Variants in CHN1 observed in about 807,000 individuals in gnomAD.
CHN1 encodes chimerin 1.
A neutral mutation model predicts 59.5 loss-of-function variants in CHN1; 37 were observed. The observed-to-expected ratio is 0.62, with a 90% CI of 0.48 to 0.82. CHN1 has a LOEUF of 0.82. Ranked by LOEUF, CHN1 falls within the 40% of genes least tolerant of loss-of-function variation. The pLI, the probability that CHN1 is intolerant of heterozygous loss-of-function variation, is 0.00. For synonymous variants in CHN1, 206 were observed against 200.4 expected (o/e 1.03, Z -0.24); for missense variants, 469 against 571.0 (o/e 0.82, Z 1.82).
intron 4 of CHN1, among the ~76,000 whole-genome samples, chr2:174,917,434 TA>T (rs903648956): frequency 3.4e-4 from 50 of 145,600 alleles, no homozygotes; most frequent in East Asian, 9.9e-4. Flanking sequence ...AACTCCATCT[TA>T]AAAAAAAAAA....
chr2:174,845,005 C>T (rs1009664886), intron 7 of CHN1, among the ~76,000 whole-genome samples: 1 of 151,838 alleles, frequency 6.6e-6, no homozygotes, highest in Non-Finnish European at 1.5e-5. Context: ...GTTTAGATAC[C>T]AAGGTAAGAG....
Position 175,003,488 on chromosome 2 carries a change from T to C in CHN1, c.19+1406A>G, listed in dbSNP as rs527593053. Among the ~76,000 whole-genome samples the C allele has an allele frequency of 5.9e-5, 9 of 152,306 alleles. No individual in the cohort carries two copies. In the South Asian group the frequency reaches 1.0e-3, roughly 18 times the overall value. On this transcript the variant is annotated intron_variant, in intron 1 of 12. Coordinates refer to ENST00000409900, the MANE Select transcript of CHN1 (RefSeq NM_001822.7). ...GTCAGGAATGCGAGTATTTGAAAAG[T>C]TGACTTGTAAACCTTACTTCTGAAA...
intron 3 of CHN1, among the ~76,000 whole-genome samples, chr2:174,925,617 A>C (rs921634057): frequency 1.3e-5 from 2 of 152,208 alleles, no homozygotes; most frequent in African/African-American, 4.8e-5. Context: ...CTACATAACA[A>C]GAACAAGAAC....
chr2:174,829,752 G>C (rs1030071954), intron 7 of CHN1, among the ~76,000 whole-genome samples: 1 of 152,196 alleles, frequency 6.6e-6, no homozygotes, highest in African/African-American at 2.4e-5. Context: ...TCTCATTTGG[G>C]ACTGTGATGA....
chr2:174,819,480 T>G (rs980854267), intron 8 of CHN1, among the ~76,000 whole-genome samples: 15 of 152,200 alleles, frequency 9.9e-5, no homozygotes, highest in Non-Finnish European at 1.3e-4. Flanking sequence ...CTGGTAAGGC[T>G]AAGATGAAAA....
At chr2:174,920,945 T>C (rs1404226443) in intron 3 of CHN1, 2 of 428,992 alleles carry the variant, frequency 4.7e-6, no homozygotes, top group Admixed American at 2.4e-5. Context: ...TGACAGATCA[T>C]CAAGCATTGG....
At chr2:174,943,427 A>G (rs998994721) in intron 3 of CHN1, among the ~76,000 whole-genome samples, 2 of 152,054 alleles carry the variant, frequency 1.3e-5, no homozygotes, top group African/African-American at 4.8e-5. Context: ...GGGTTTCACC[A>G]TGTTGGCCAG....
At chr2:174,970,265 G>A (rs922604086) in intron 1 of CHN1, among the ~76,000 whole-genome samples, 3 of 152,178 alleles carry the variant, frequency 2.0e-5, no homozygotes, top group Admixed American at 2.0e-4. Context: ...GAGGTCATTG[G>A]GGTTGTGAGC....
chr2:174,811,509 AC>A lies in CHN1; in HGVS notation c.964+1del. 1 of 1,602,160 alleles carries A rather than the reference AC, an allele frequency of 6.2e-7. No individual in the cohort carries two copies. Among genetic ancestry groups the A allele is most frequent in the African/African-American group, 1.3e-5 (1 of 74,798 alleles). ...AGTTATGGAACATTGTGAAAAACAT[AC>A]CTCTGTCGAAAGCCATCTTGACATC... is the stretch of plus-strand genomic sequence containing the variant. On this transcript the variant is annotated splice_donor_variant, in intron 10 of 12. Transcript: ENST00000409900. LOFTEE classifies it high-confidence loss of function.
intron 2 of CHN1, among the ~76,000 whole-genome samples, chr2:174,950,263 A>G (rs1558994458): frequency 6.6e-6 from 1 of 150,842 alleles, no homozygotes. Context: ...TTTTTTTTTT[A>G]ATGTCTTTTT....
At chr2:174,998,089 G>C (rs930895906) in intron 1 of CHN1, among the ~76,000 whole-genome samples, 1 of 151,572 alleles carries the variant, frequency 6.6e-6, no homozygotes, top group Non-Finnish European at 1.5e-5. Context: ...GATCACATGA[G>C]GTCAGGAGTT....
chr2:174,840,801 T>A (rs1458004115), intron 7 of CHN1, among the ~76,000 whole-genome samples: 2 of 152,132 alleles, frequency 1.3e-5, no homozygotes, highest in African/African-American at 4.8e-5. Flanking sequence ...AAAGAGCCAA[T>A]CTTTTCAGGG....
chr2:174,846,414 T>C (rs1481920582), intron 7 of CHN1: 1 of 1,542,548 alleles, frequency 6.5e-7, no homozygotes, highest in East Asian at 2.5e-5. Flanking sequence ...GGTCAATTCA[T>C]TAACAGGGGA....
At chr2:174,902,844 CTAT>C (rs1688432279) in intron 5 of CHN1, among the ~76,000 whole-genome samples, 1 of 152,208 alleles carries the variant, frequency 6.6e-6, no homozygotes, top group Admixed American at 6.5e-5. Context: ...TCAGTATCTA[CTAT>C]GATTCTCTGG....
chr2:174,972,604 G>C (rs1690793661), intron 1 of CHN1, among the ~76,000 whole-genome samples: 1 of 152,192 alleles, frequency 6.6e-6, no homozygotes, highest in African/African-American at 2.4e-5. Flanking sequence ...GTCGTAGTTT[G>C]AGCTATGCAG....
Position 174,978,819 on chromosome 2 carries a change from C to G in CHN1, c.19+26075G>C, listed in dbSNP as rs184210291. 1.6e-3 allele frequency among the ~76,000 whole-genome samples: 251 copies of G among 152,228 alleles called. 1 individual carries two copies. Among genetic ancestry groups the G allele is most frequent in the Admixed American group, 2.9e-3 (44 of 15,294 alleles). On this transcript the variant is annotated intron_variant, in intron 1 of 12. Transcript: ENST00000409900. Reference sequence around the variant, plus strand: ...GTTATCCTTTGTCCTTCCAGACTGACCAAACCAGTAATAAAATGTTTTCAA... The same window carrying G: ...GTTATCCTTTGTCCTTCCAGACTGAGCAAACCAGTAATAAAATGTTTTCAA...
intron 7 of CHN1, among the ~76,000 whole-genome samples, chr2:174,831,757 T>C (rs1685886066): frequency 6.6e-6 from 1 of 152,160 alleles, no homozygotes; most frequent in Non-Finnish European, 1.5e-5. Context: ...GGTTCAAAAA[T>C]GTTAAATGCC....
intron 4 of CHN1, 54 bp from the exon 5 acceptor site, chr2:174,915,225 A>G (rs1330168039): frequency 7.4e-7 from 1 of 1,354,426 alleles, no homozygotes; most frequent in African/African-American, 1.4e-5. Flanking sequence ...TCAATAAAAC[A>G]AGATAAAACA....
intron 7 of CHN1, among the ~76,000 whole-genome samples, chr2:174,825,416 G>A (rs1685652768): frequency 6.6e-6 from 1 of 152,176 alleles, no homozygotes; most frequent in Non-Finnish European, 1.5e-5. Flanking sequence ...TTTGAGTACA[G>A]TAATTATTCA....
Sources: gnomAD v4.1 joint callset for allele counts (sites outside exome capture counted in the v4.1 genomes callset) on GRCh38, gnomAD v4.1.1 for gene constraint, MANE v1.5 for transcripts, NCBI Gene and HGNC (gene_info 2026-07-23, HGNC 2026-07-21) for gene names.